The following SCHIP1 variants were observed in gnomAD, a reference collection of about 807,000 sequenced individuals.
The protein encoded by SCHIP1 is schwannomin interacting protein 1.
SCHIP1 carries 8 observed loss-of-function variants against 29.7 expected under a neutral mutation model. The ratio of observed to expected loss-of-function variants is 0.27; its 90% CI spans 0.16 to 0.49. The LOEUF is 0.49. Ranked by LOEUF, SCHIP1 falls within the 20% of genes least tolerant of loss-of-function variation. The probability of loss-of-function intolerance (pLI) is 0.99; values close to 1 mark genes in which losing one functional copy is unlikely to be tolerated. For missense variants in SCHIP1, 193 were observed against 294.6 expected, an observed-to-expected ratio of 0.66 and a Z score of 2.52; for synonymous variants, 76 against 94.9, an observed-to-expected ratio of 0.80 and a Z score of 1.16.
chr3:159,402,477 C>T, the SCHIP1 span, among the ~76,000 whole-genome samples: 1 of 152,164 alleles, frequency 6.6e-6, no homozygotes, highest in African/African-American at 2.4e-5. Context: ...AAGACATATG[C>T]ACACATATAT....
chr3:159,680,627 A>ATG, the SCHIP1 span, among the ~76,000 whole-genome samples: 1 of 91,134 alleles, frequency 1.1e-5, no homozygotes, highest in African/African-American at 4.5e-5. Context: ...TATATAATAT[A>ATG]TATTTTATAT....
chr3:159,657,851 A>C, the SCHIP1 span, among the ~76,000 whole-genome samples: 3 of 152,234 alleles, frequency 2.0e-5, no homozygotes, highest in East Asian at 5.8e-4. Flanking sequence ...AAGCTGGAAC[A>C]CAGGATGCTT....
At chr3:159,361,293 T>C in the SCHIP1 span, among the ~76,000 whole-genome samples, 1 of 152,184 alleles carries the variant, frequency 6.6e-6, no homozygotes, top group South Asian at 2.1e-4. Context: ...TTAGCAAATA[T>C]TTGATAGAAA....
At position 159,846,740 on chromosome 3, in the gene SCHIP1, G is replaced by A. The variant is rs535350891; in HGVS notation, c.30+6526G>A. Among the ~76,000 whole-genome samples, 6 of 152,224 alleles carry A rather than the reference G, an allele frequency of 3.9e-5. No individual in the cohort carries two copies. The East Asian group carries it at 1.2e-3, about 29-fold the overall frequency. Reference sequence around the variant, plus strand: ...TTTTTTTTCTATAGTTAATAGTGCTGAAGAGTACTTGGTCTTCATTGTTTT... The same window carrying A: ...TTTTTTTTCTATAGTTAATAGTGCTAAAGAGTACTTGGTCTTCATTGTTTT... On this transcript the variant is annotated intron_variant, in intron 1 of 6. Coordinates refer to ENST00000445224, the Ensembl canonical transcript of SCHIP1.
At chr3:159,665,530 T>C in the SCHIP1 span, among the ~76,000 whole-genome samples, 2 of 146,866 alleles carry the variant, frequency 1.4e-5, no homozygotes, top group Admixed American at 6.6e-5. Context: ...GTTGTGGTGG[T>C]TTTTTGTTTT....
chr3:159,592,754 G>A, the SCHIP1 span, among the ~76,000 whole-genome samples: 45 of 152,008 alleles, frequency 3.0e-4, no homozygotes, highest in South Asian at 4.6e-3. Context: ...CACAAGTCAC[G>A]GCCTGTTGTC....
the SCHIP1 span, among the ~76,000 whole-genome samples, chr3:159,507,223 G>A: frequency 6.6e-6 from 1 of 152,172 alleles, no homozygotes; most frequent in Admixed American, 6.5e-5. Context: ...TATTCTCTTT[G>A]AAGCAATTGT....
At chr3:159,391,316 C>A in the SCHIP1 span, among the ~76,000 whole-genome samples, 8 of 152,088 alleles carry the variant, frequency 5.3e-5, no homozygotes, top group Non-Finnish European at 1.0e-4. Context: ...TTCAAGGTGG[C>A]AGTTCAGGGT....
the SCHIP1 span, among the ~76,000 whole-genome samples, chr3:159,741,074 C>G: frequency 3.9e-5 from 6 of 152,174 alleles, no homozygotes; most frequent in African/African-American, 1.4e-4. Flanking sequence ...CTCTTAAGCT[C>G]CCTGAAGAGA....
chr3:159,793,854 G>A, the SCHIP1 span, among the ~76,000 whole-genome samples: 8 of 152,146 alleles, frequency 5.3e-5, no homozygotes, highest in East Asian at 1.9e-4. Context: ...CACTGTGCCC[G>A]ACCTGTTTTC....
the SCHIP1 span, chr3:159,399,102 G>A: frequency 6.3e-3 from 1,336 of 212,972 alleles, 25 homozygotes; most frequent in African/African-American, 0.03. Context: ...ACTCTGGATT[G>A]GAGGCCTTGT....
chr3:159,374,943 G>T, the SCHIP1 span, among the ~76,000 whole-genome samples: 1 of 152,150 alleles, frequency 6.6e-6, no homozygotes, highest in Non-Finnish European at 1.5e-5. Flanking sequence ...CTATGAAAAA[G>T]AAGAATGTAG....
At chr3:159,607,527 T>C in the SCHIP1 span, among the ~76,000 whole-genome samples, 8 of 152,104 alleles carry the variant, frequency 5.3e-5, no homozygotes, top group Non-Finnish European at 1.2e-4. Flanking sequence ...TTTCTTTCTC[T>C]AAGAACATTA....
the SCHIP1 span, among the ~76,000 whole-genome samples, chr3:159,664,605 T>C: frequency 6.6e-6 from 1 of 152,170 alleles, no homozygotes; most frequent in Non-Finnish European, 1.5e-5. Context: ...TTAGTAAAAA[T>C]TATGGGGTCT....
At chr3:159,446,952 C>A in the SCHIP1 span, among the ~76,000 whole-genome samples, 1 of 152,100 alleles carries the variant, frequency 6.6e-6, no homozygotes, top group Non-Finnish European at 1.5e-5. Flanking sequence ...AGGCCACTTG[C>A]AATACAACTT....
the SCHIP1 span, among the ~76,000 whole-genome samples, chr3:159,378,770 G>A: frequency 6.6e-6 from 1 of 152,208 alleles, no homozygotes; most frequent in Non-Finnish European, 1.5e-5. Context: ...TCTTGTAAAG[G>A]CTTTGTATCT....
At chr3:159,678,629 C>T in the SCHIP1 span, among the ~76,000 whole-genome samples, 1 of 152,142 alleles carries the variant, frequency 6.6e-6, no homozygotes, top group African/African-American at 2.4e-5. Flanking sequence ...GGTTATGTAT[C>T]GGATCAACGG....
chr3:159,273,851 TGGGACTGTGACCAG>T, the SCHIP1 span: 1 of 1,613,554 alleles, frequency 6.2e-7, no homozygotes, highest in Non-Finnish European at 8.5e-7. Flanking sequence ...TGTTACAACG[TGGGACTGTGACCAG>T]GGCAAGCACT....
At chr3:159,662,152 C>T in the SCHIP1 span, among the ~76,000 whole-genome samples, 1 of 152,122 alleles carries the variant, frequency 6.6e-6, no homozygotes, top group Non-Finnish European at 1.5e-5. Flanking sequence ...GCCACTCTGG[C>T]TCATACCCCC....
Sources: allele counts gnomAD v4.1 joint callset (sites outside exome capture counted in the v4.1 genomes callset), GRCh38; gene constraint gnomAD v4.1.1; transcripts MANE v1.5; gene names NCBI Gene and HGNC (gene_info 2026-07-23, HGNC 2026-07-21).